The following RYR2 variants were observed in gnomAD, a reference collection of about 807,000 sequenced individuals.
The protein encoded by RYR2 is ryanodine receptor 2.
RYR2 carries 227 observed loss-of-function variants against 601.1 expected under a neutral mutation model. That is an observed-to-expected ratio of 0.38 (90% CI 0.34 to 0.42). The LOEUF (loss-of-function observed/expected upper bound fraction) is 0.42. RYR2 is among the 10% of genes least tolerant of loss of function. The pLI is 1.00. For missense variants in RYR2, 4,646 were observed against 6,156.5 expected (o/e 0.75, Z 8.21); for synonymous variants, 2,223 against 2,175.1 (o/e 1.02, Z -0.61).
chr1:237,204,530 A>G (rs1417246494), intron 1 of RYR2, among the ~76,000 whole-genome samples: 3 of 151,686 alleles, frequency 2.0e-5, no homozygotes, highest in Non-Finnish European at 4.4e-5. Context: ...AAAGAAAACT[A>G]GGGTCGAATC....
rs1572343757 is a variant in RYR2 at position 237,441,202 on chromosome 1, G to A, written c.1006-117G>A. The A allele has an allele frequency of 1.2e-5, 12 of 961,804 alleles. No individual in the cohort carries two copies. The East Asian group carries it at 2.5e-4, about 20-fold the overall frequency. 59.6% of individuals were successfully genotyped at this position (961,804 alleles called of 1,614,324 possible). A position where few individuals can be genotyped will look rare whatever the true frequency, so the allele number is the denominator to read the frequency against. On this transcript the variant is annotated intron_variant, in intron 12 of 104. Transcript: ENST00000366574. ...GTAAAATATTTGGCCATTATTTCAG[G>A]GGACTTCAGAGGGCTGAATTTTTCA...
intron 94 of RYR2, among the ~76,000 whole-genome samples, chr1:237,793,198 T>G (rs1340911011): frequency 2.0e-5 from 3 of 152,076 alleles, no homozygotes; most frequent in Non-Finnish European, 4.4e-5. Flanking sequence ...ATGTAAAGAG[T>G]TATTCAGGAA....
chr1:237,496,741 A>G lies in RYR2; in HGVS notation c.2192A>G (p.His731Arg). The change falls in exon 20 of 105, where the codon CAT becomes CGT. Residue 731 changes from histidine (H) to arginine (R), a missense_variant. By Grantham distance (29) the His-to-Arg change is conservative. Coordinates refer to ENST00000366574, the MANE Select transcript of RYR2 (RefSeq NM_001035.3). ...DLFSYGFDGL[H>R]LWSGCIARTV... is the part of the protein sequence containing the mutation. ...TTCTCCTATGGATTTGATGGCCTTC[A>G]TCTCTGGTCAGGTACGTACTATCCA... The G allele has an allele frequency of 6.2e-7, 1 of 1,613,722 alleles. No homozygotes were observed. The highest frequency in any genetic ancestry group is 2.2e-5 in the East Asian group (1 of 44,876).
At chr1:237,682,445 A>G (rs1685971477) in intron 62 of RYR2, among the ~76,000 whole-genome samples, 1 of 152,160 alleles carries the variant, frequency 6.6e-6, no homozygotes, top group Admixed American at 6.5e-5. Flanking sequence ...ATTTTGGACC[A>G]CATGTATGAT....
intron 17 of RYR2, among the ~76,000 whole-genome samples, chr1:237,470,365 G>A (rs1660578020): frequency 6.6e-6 from 1 of 152,174 alleles, no homozygotes; most frequent in African/African-American, 2.4e-5. Context: ...ATTGAATAGA[G>A]ACAGAGAAAC....
intron 17 of RYR2, among the ~76,000 whole-genome samples, chr1:237,473,029 C>G (rs1660911630): frequency 1.3e-5 from 2 of 151,538 alleles, no homozygotes; most frequent in Admixed American, 1.3e-4. Context: ...TTCCATTATT[C>G]TTTACATTCT....
At chr1:237,375,581 A>G (rs1700961356) in intron 7 of RYR2, among the ~76,000 whole-genome samples, 1 of 152,222 alleles carries the variant, frequency 6.6e-6, no homozygotes, top group African/African-American at 2.4e-5. Flanking sequence ...AATCTTTTAC[A>G]AACAACAAAA....
chr1:237,350,587 A>T (rs1382097680), intron 3 of RYR2, among the ~76,000 whole-genome samples: 3 of 100,826 alleles, frequency 3.0e-5, no homozygotes, highest in African/African-American at 1.2e-4. Context: ...AAAAAAAAAA[A>T]AAAAAAAAAA....
At chr1:237,178,554 G>C (rs1379080563) in intron 1 of RYR2, among the ~76,000 whole-genome samples, 1 of 151,836 alleles carries the variant, frequency 6.6e-6, no homozygotes, top group East Asian at 1.9e-4. Flanking sequence ...GCTAGTTGCG[G>C]TGGCTCACAC....
intron 92 of RYR2, 41 bp from the exon 93 acceptor site, chr1:237,791,388 T>TGCA: frequency 9.8e-7 from 1 of 1,020,910 alleles, no homozygotes; most frequent in Non-Finnish European, 1.5e-6. Context: ...GTTTCAAGCC[T>TGCA]GTTGATTCAG....
intron 64 of RYR2, 25 bp from the exon 65 acceptor site, chr1:237,700,204 G>A (rs371107980): frequency 1.5e-4 from 188 of 1,285,868 alleles, no homozygotes; most frequent in Non-Finnish European, 1.8e-4. Context: ...TGGAAGATAC[G>A]AGTCCTCCCT....
intron 1 of RYR2, among the ~76,000 whole-genome samples, chr1:237,095,677 A>T (rs531251462): frequency 6.6e-5 from 10 of 152,148 alleles, no homozygotes; most frequent in African/African-American, 1.7e-4. Flanking sequence ...GTTTTGGGAG[A>T]TGCTGACAAC....
At chr1:237,240,607 T>C (rs891808075) in intron 1 of RYR2, among the ~76,000 whole-genome samples, 3 of 148,702 alleles carry the variant, frequency 2.0e-5, no homozygotes, top group African/African-American at 7.4e-5. Flanking sequence ...GACTAAATAT[T>C]TTTATTTTAT....
At chr1:237,097,130 A>G (rs1347740270) in intron 1 of RYR2, among the ~76,000 whole-genome samples, 1 of 152,210 alleles carries the variant, frequency 6.6e-6, no homozygotes, top group Non-Finnish European at 1.5e-5. Context: ...ATATATTCCA[A>G]TGAATATGAT....
intron 2 of RYR2, among the ~76,000 whole-genome samples, chr1:237,317,771 G>A (rs1335101803): frequency 6.6e-6 from 1 of 151,840 alleles, no homozygotes; most frequent in Non-Finnish European, 1.5e-5. Flanking sequence ...GTGACTGGAT[G>A]TAGCTGTTTC....
chr1:237,407,931 T>C (rs1269653978), intron 10 of RYR2, among the ~76,000 whole-genome samples: 2 of 152,132 alleles, frequency 1.3e-5, no homozygotes, highest in African/African-American at 4.8e-5. Flanking sequence ...GTTGTTGAAT[T>C]TTAAGAGTTC....
chr1:237,506,868 C>T, intron 23 of RYR2, 54 bp downstream of exon 23: 1 of 1,446,886 alleles, frequency 6.9e-7, no homozygotes, highest in Non-Finnish European at 9.6e-7. Flanking sequence ...TTTCTGAAAA[C>T]ATAACTTTTT....
Position 237,614,280 on chromosome 1 carries a change from A to G in RYR2, c.5152A>G (p.Arg1718Gly). The G allele has an allele frequency of 6.2e-7, 1 of 1,614,016 alleles. No homozygotes were observed. The highest frequency in any genetic ancestry group is 8.5e-7 in the Non-Finnish European group (1 of 1,179,886). Reference sequence around the variant, plus strand: ...CCACCTGAGCTCCTATGCCACTGCCAGGCTCATGATGAACAACGAGTACAT... The same window carrying G: ...CCACCTGAGCTCCTATGCCACTGCCGGGCTCATGATGAACAACGAGTACAT... ...DIHLSSYATA[R>G]LMMNNEYIVP... The change falls in exon 37 of 105, where the codon AGG becomes GGG. Residue 1718 changes from arginine to glycine, a missense_variant. Physicochemically the swap from Arg to Gly is moderately radical, Grantham distance 125. Transcript: ENST00000366574. The surrounding 1 kb of genome is among the most constrained non-coding windows in gnomAD (Gnocchi z 4.3).
chr1:237,427,713 G>A (rs1706318386), intron 12 of RYR2, among the ~76,000 whole-genome samples: 1 of 148,478 alleles, frequency 6.7e-6, no homozygotes, highest in Non-Finnish European at 1.5e-5. Context: ...AACCTGGGAG[G>A]CAGAGGTTGC....
Sources: gnomAD v4.1 joint callset for allele counts (sites outside exome capture counted in the v4.1 genomes callset) on GRCh38, gnomAD v4.1.1 for gene constraint, Gnocchi (gnomAD v3.1) non-coding constraint, MANE v1.5 for transcripts, NCBI Gene and HGNC (gene_info 2026-07-23, HGNC 2026-07-21) for gene names.